TMC5: variants seen among roughly 807,000 people sequenced by gnomAD.
TMC5 encodes the protein transmembrane channel-like protein 5.
A neutral mutation model predicts 110.5 loss-of-function variants in TMC5; 86 were observed. The observed-to-expected ratio is 0.78, with a 90% CI of 0.65 to 0.93. The LOEUF (loss-of-function observed/expected upper bound fraction) is 0.93. Among genes scored for constraint, TMC5 ranks in the 40% least tolerant of loss-of-function variants. The probability of loss-of-function intolerance (pLI) is 0.00; values close to 1 mark genes in which losing one functional copy is unlikely to be tolerated. For synonymous variants in TMC5, 455 were observed against 439.5 expected (o/e 1.04, Z -0.44); for missense variants, 1,144 against 1,222.8 (o/e 0.94, Z 0.96).
rs757863556 is a variant in TMC5 at position 19,466,098 on chromosome 16, C to G, written c.1502C>G (p.Thr501Arg). The G allele has an allele frequency of 9.3e-6, 15 of 1,613,932 alleles. No homozygotes were observed. In the South Asian group the frequency reaches 1.6e-4, roughly 18 times the overall value. Residue 501 changes from threonine (T) to arginine (R), a missense_variant, in exon 9 of 22, where the codon ACA (threonine) becomes AGA (arginine). Transcript: ENST00000542583. ...ACCTTTCAGGGTTATTTTAGGGACA[C>G]AGTGATGTACTATGGCTTTTACACC... is the stretch of plus-strand genomic sequence containing the variant. ...FFTGVGYFRD[T>R]VMYYGFYTNS... is the part of the protein sequence containing the mutation.
At chr16:19,484,906 G>A (rs952534494) in intron 15 of TMC5, among the ~76,000 whole-genome samples, 2 of 151,022 alleles carry the variant, frequency 1.3e-5, no homozygotes, top group Non-Finnish European at 2.9e-5. Flanking sequence ...AACCTTTGCG[G>A]GTTTTAGGAG....
chr16:19,473,088 G>A (rs1968385200), intron 11 of TMC5, among the ~76,000 whole-genome samples: 1 of 152,100 alleles, frequency 6.6e-6, no homozygotes, highest in Non-Finnish European at 1.5e-5. Flanking sequence ...GCTCACGCCT[G>A]TAATCCCAGC....
At chr16:19,456,628 A>T in intron 5 of TMC5, 1 of 1,529,828 alleles carries the variant, frequency 6.5e-7, no homozygotes, top group Non-Finnish European at 8.8e-7. Flanking sequence ...TGCGAGTCCC[A>T]ATCAATGCGG....
At position 19,439,909 on chromosome 16, in the gene TMC5, A is replaced by G. The variant is rs1967440536; in HGVS notation, c.-79-51A>G. On this transcript the variant is annotated intron_variant, in intron 2 of 21. Transcript: ENST00000542583. ...CTGGAAGATAACCAGCAATCTCTGCAGGGAAGAAAGGGAAAAAAATCTGAC... is the reference window on the plus strand; with the variant it reads ...CTGGAAGATAACCAGCAATCTCTGCGGGGAAGAAAGGGAAAAAAATCTGAC... 3 of 748,668 alleles carry G rather than the reference A, an allele frequency of 4.0e-6. No individual in the cohort carries two copies. The Admixed American group carries it at 7.9e-5, about 20-fold the overall frequency. 46.4% of individuals were successfully genotyped at this position (748,668 alleles called of 1,614,324 possible). A position where few individuals can be genotyped will look rare whatever the true frequency, so the allele number is the denominator to read the frequency against.
intron 3 of TMC5, among the ~76,000 whole-genome samples, chr16:19,442,083 G>A (rs1050939663): frequency 1.3e-4 from 20 of 151,758 alleles, no homozygotes; most frequent in Non-Finnish European, 2.5e-4. Flanking sequence ...GATTACAGGC[G>A]TGAGCCACTG....
chr16:19,461,676 C>T (rs1021541541), intron 6 of TMC5, among the ~76,000 whole-genome samples: 3 of 152,074 alleles, frequency 2.0e-5, no homozygotes, highest in African/African-American at 4.8e-5. Context: ...CTGTTTTAGC[C>T]TTCAGAGTTT....
In TMC5 at chr16:19,479,469, C is replaced by T. The variant is rs777801835; in HGVS notation, c.2208C>T (p.Leu736=). ...TCATTGGCCAGGACATCTACCGGCT[C>T]CTTCTGATGGATTTTGTGTTCTCTT... ...ETLIGQDIYR[L]LLMDFVFSLV... is the part of the protein sequence containing the mutation. The change falls in exon 14 of 22, where the codon CTC becomes CTT. Residue 736 remains leucine, a synonymous_variant. Transcript: ENST00000542583. 3.1e-6 allele frequency: 5 copies of T among 1,614,076 alleles called. No individual in the cohort carries two copies. The highest frequency in any genetic ancestry group is 1.7e-5 in the Admixed American group (1 of 60,014).
chr16:19,498,356 C>T lies in TMC5; in HGVS notation c.*390C>T, dbSNP rs1969109075. The T allele has an allele frequency of 5.0e-6, 1 of 201,146 alleles. No homozygotes were observed. The highest frequency in any genetic ancestry group is 1.6e-4 in the East Asian group (1 of 6,170). The allele number at this position is 201,146 out of a possible 1,614,324, so 12.5% of individuals were successfully genotyped here. ...CCTGGCAAAGGTTTAGAAACTGTTG[C>T]TAAGAAAAGTGGTCCATCCTGAATA... is the stretch of plus-strand genomic sequence containing the variant. On this transcript the variant is annotated 3_prime_UTR_variant, in exon 22 of 22. Transcript: ENST00000542583.
intron 11 of TMC5, among the ~76,000 whole-genome samples, 191 bp downstream of exon 11, chr16:19,472,434 G>A (rs1968367880): frequency 6.6e-6 from 1 of 152,138 alleles, no homozygotes; most frequent in African/African-American, 2.4e-5. Context: ...ACTCTGGGAG[G>A]CCGAGGCAGG....
chr16:19,488,799 C>CA lies in TMC5; in HGVS notation c.2573+1475dup, dbSNP rs147866790. 9.0e-3 allele frequency among the ~76,000 whole-genome samples: 1,372 copies of CA among 152,252 alleles called. 18 individuals are homozygous for CA. Among genetic ancestry groups the CA allele is most frequent in the African/African-American group, 0.031 (1,305 of 41,528 alleles). ...TCTGTGTGAGTCTTTAATTGTTACT[C>CA]AACGATTGTCCGTTTTTCCCACCAG... On this transcript the variant is annotated intron_variant, in intron 17 of 21. Transcript: ENST00000542583.
At chr16:19,488,335 G>A (rs945932420) in intron 17 of TMC5, among the ~76,000 whole-genome samples, 21 of 152,266 alleles carry the variant, frequency 1.4e-4, no homozygotes, top group African/African-American at 4.1e-4. Context: ...CCACCCATCC[G>A]ATGCCCACGG....
At chr16:19,495,310 G>A (rs568508598) in intron 20 of TMC5, among the ~76,000 whole-genome samples, 326 of 23,510 alleles carry the variant, frequency 0.014, 95 homozygotes, top group African/African-American at 0.022. Context: ...CACCGCGCCC[G>A]GCCTACTTCA....
At chr16:19,423,786 CTG>C (rs1300390544) in intron 1 of TMC5, among the ~76,000 whole-genome samples, 3 of 152,228 alleles carry the variant, frequency 2.0e-5, no homozygotes, top group African/African-American at 7.2e-5. Context: ...GAATCTTTCT[CTG>C]TTACCCAGGC....
At chr16:19,417,440 A>AAG (rs1567293539), upstream of TMC5, among the ~76,000 whole-genome samples, 7 of 142,182 alleles carry the variant, frequency 4.9e-5, no homozygotes, top group Non-Finnish European at 7.5e-5. Flanking sequence ...AAAAAAAAAA[A>AAG]GGAGCCAGTG....
At chr16:19,457,102 A>T in intron 5 of TMC5, 1 of 1,200,818 alleles carries the variant, frequency 8.3e-7, no homozygotes, top group Non-Finnish European at 1.2e-6. Flanking sequence ...TTTAGATATC[A>T]AGTGGGGCCA....
At chr16:19,457,293 C>A (rs1359755108) in intron 5 of TMC5, among the ~76,000 whole-genome samples, 7 of 152,116 alleles carry the variant, frequency 4.6e-5, no homozygotes, top group Non-Finnish European at 8.8e-5. Context: ...ACTCAGGAGG[C>A]TAAGGTGGGA....
chr16:19,447,316 C>T (rs56372421), intron 4 of TMC5, among the ~76,000 whole-genome samples: 12,379 of 151,994 alleles, frequency 0.081, 1,223 homozygotes, highest in African/African-American at 0.24. Context: ...CAGAAACACA[C>T]GGTATCTTTA....
At chr16:19,417,869 A>G (rs1966893582), upstream of TMC5, 1 of 152,198 alleles carries the variant, frequency 6.6e-6, no homozygotes, top group Admixed American at 6.5e-5. Context: ...AACGGCAATG[A>G]GCTCAGTAAA....
chr16:19,490,720 TTCCTTCCTTCCTTCC>T, intron 18 of TMC5, 152 bp downstream of exon 18: 1 of 134,910 alleles, frequency 7.4e-6, no homozygotes, highest in Non-Finnish European at 2.1e-5. Flanking sequence ...CTTTCCTTCC[TTCCTTCCTTCCTTCC>T]TTCCTTCCTT....
Sources: gnomAD v4.1 joint callset for allele counts (sites outside exome capture counted in the v4.1 genomes callset) on GRCh38, gnomAD v4.1.1 for gene constraint, MANE v1.5 for transcripts, NCBI Gene and HGNC (gene_info 2026-07-23, HGNC 2026-07-21) for gene names.